Variants in NRP1 observed in about 807,000 individuals in gnomAD.
NRP1 encodes the protein neuropilin 1, also known as neuropilin-1.
In NRP1, 35 loss-of-function variants were observed where a neutral mutation model predicts 106.7. That is an observed-to-expected ratio of 0.33 (90% CI 0.25 to 0.43). The LOEUF is 0.43. Ranked by LOEUF, NRP1 falls within the 20% of genes least tolerant of loss-of-function variation. The pLI, the probability that NRP1 is intolerant of heterozygous loss-of-function variation, is 1.00. For synonymous variants in NRP1, 437 were observed against 417.9 expected (o/e 1.05, Z -0.56); for missense variants, 1,024 against 1,170.4 (o/e 0.87, Z 1.83).
chr10:33,186,580 TGC>T, intron 13 of NRP1, 92 bp from the exon 14 acceptor site: 1 of 1,449,098 alleles, frequency 6.9e-7, no homozygotes. Flanking sequence ...AAAAGCTTCC[TGC>T]GCTGAGCACC....
At chr10:33,198,551 C>T (rs532982643) in intron 11 of NRP1, among the ~76,000 whole-genome samples, 11 of 152,092 alleles carry the variant, frequency 7.2e-5, no homozygotes, top group African/African-American at 2.2e-4. Context: ...TCCCAGACGA[C>T]GCATGGCACA....
At chr10:33,258,650 CTT>C (rs1842364942) in intron 4 of NRP1, among the ~76,000 whole-genome samples, 1 of 152,222 alleles carries the variant, frequency 6.6e-6, no homozygotes, top group Admixed American at 6.5e-5. Context: ...TTTTGTCTCT[CTT>C]CAGCTTTATT....
chr10:33,207,792 C>T, intron 9 of NRP1, 76 bp from the exon 10 acceptor site: 3 of 1,510,790 alleles, frequency 2.0e-6, no homozygotes, highest in Non-Finnish European at 2.7e-6. Context: ...TTTCTTCCCT[C>T]CTTCAGGACT....
At chr10:33,288,592 C>T (rs1331155095) in intron 2 of NRP1, 3 of 152,264 alleles carry the variant, frequency 2.0e-5, no homozygotes, top group Non-Finnish European at 4.4e-5. Context: ...GGCACACCAC[C>T]TCACCTGGCA....
At chr10:33,275,616 G>A (rs1482755383) in intron 2 of NRP1, among the ~76,000 whole-genome samples, 1 of 151,854 alleles carries the variant, frequency 6.6e-6, no homozygotes, top group African/African-American at 2.4e-5. Context: ...ACCATGTTCA[G>A]GCCAGGCGTG....
At chr10:33,270,889 T>C (rs781717448) in intron 2 of NRP1, 33 bp from the exon 3 acceptor site, 1 of 1,519,192 alleles carries the variant, frequency 6.6e-7, no homozygotes, top group Admixed American at 1.9e-5. Context: ...AACATTAGGT[T>C]GGTGAGAAAT....
intron 9 of NRP1, among the ~76,000 whole-genome samples, chr10:33,211,044 C>G (rs1165647660): frequency 6.6e-6 from 1 of 152,112 alleles, no homozygotes; most frequent in African/African-American, 2.4e-5. Context: ...TGGATAGAAC[C>G]ATATTTTAGA....
intron 3 of NRP1, among the ~76,000 whole-genome samples, chr10:33,267,058 C>T (rs1004489341): frequency 6.6e-6 from 1 of 151,930 alleles, no homozygotes; most frequent in South Asian, 2.1e-4. Flanking sequence ...AACAAAAAAA[C>T]GTGTAGCACC....
At chr10:33,211,664 C>G (rs533184679) in intron 9 of NRP1, 12 of 152,304 alleles carry the variant, frequency 7.9e-5, no homozygotes, top group Admixed American at 6.5e-4. Context: ...TTCCTTGGAG[C>G]CTTCACATCT....
intron 13 of NRP1, among the ~76,000 whole-genome samples, chr10:33,188,451 C>T (rs1836166726): frequency 6.6e-6 from 1 of 152,106 alleles, no homozygotes; most frequent in South Asian, 2.1e-4. Context: ...CAGTGCCCAA[C>T]ACAGCACCTG....
chr10:33,263,880 G>A lies in NRP1; in HGVS notation c.431-7C>T, dbSNP rs199619338. ...TTCTGGGAACATTCAGGACCTATGAGTAGAAGAGAAAAAGGAGTAAAGTGA... is the reference window on the plus strand; with the variant it reads ...TTCTGGGAACATTCAGGACCTATGAATAGAAGAGAAAAAGGAGTAAAGTGA... On this transcript the variant is annotated splice_region_variant and splice_polypyrimidine_tract_variant and intron_variant, in intron 3 of 16. Coordinates refer to ENST00000374867, the MANE Select transcript of NRP1 (RefSeq NM_003873.7). 1.3e-5 allele frequency: 20 copies of A among 1,566,564 alleles called. No homozygotes were observed. In the East Asian group the frequency reaches 2.5e-4, roughly 19 times the overall value.
intron 11 of NRP1, chr10:33,202,329 C>A: frequency 4.1e-6 from 1 of 246,738 alleles, no homozygotes. Flanking sequence ...ATTTGGCACA[C>A]AACATCTCTG....
At chr10:33,285,473 T>G (rs1470271799) in intron 2 of NRP1, among the ~76,000 whole-genome samples, 1 of 152,176 alleles carries the variant, frequency 6.6e-6, no homozygotes, top group East Asian at 1.9e-4. Context: ...ATGAGAAATT[T>G]TTTCGTGATC....
intron 13 of NRP1, among the ~76,000 whole-genome samples, chr10:33,189,770 C>A (rs1054043809): frequency 6.6e-6 from 1 of 152,212 alleles, no homozygotes; most frequent in Non-Finnish European, 1.5e-5. Flanking sequence ...CAATGTCTGG[C>A]TTGCAAAGTT....
intron 4 of NRP1, 64 bp downstream of exon 4, chr10:33,263,582 A>T: frequency 3.2e-6 from 4 of 1,247,626 alleles, no homozygotes; most frequent in Non-Finnish European, 4.6e-6. Context: ...TGAGACTTGT[A>T]AAAGAATACT....
In NRP1 at chr10:33,199,367, CTATA is replaced by C. The variant is rs1413431395; in HGVS notation, c.1865-1662_1865-1659del. Among the ~76,000 whole-genome samples, 99 of 54,288 alleles carry C rather than the reference CTATA, an allele frequency of 1.8e-3. 6 individuals carry two copies. The East Asian group carries it at 0.02, about 11-fold the overall frequency. 35.6% of individuals were successfully genotyped at this position (54,288 alleles called of 152,430 possible). Reference sequence around the variant, plus strand: ...GTGCGCCACCATGCCTGGCTGTTTTCTATATATATATATATATATATATTTTTTT... The same window carrying C: ...GTGCGCCACCATGCCTGGCTGTTTTCTATATATATATATATATATTTTTTT... On this transcript the variant is annotated intron_variant, in intron 11 of 16. Coordinates refer to ENST00000374867, the MANE Select transcript of NRP1 (RefSeq NM_003873.7).
intron 2 of NRP1, among the ~76,000 whole-genome samples, chr10:33,286,135 G>A (rs1844518707): frequency 6.6e-6 from 1 of 152,132 alleles, no homozygotes; most frequent in South Asian, 2.1e-4. Flanking sequence ...ATGGTATTAT[G>A]AGAAGACAAA....
chr10:33,183,921 C>T (rs996363984), intron 15 of NRP1, among the ~76,000 whole-genome samples: 2 of 152,220 alleles, frequency 1.3e-5, no homozygotes, highest in African/African-American at 2.4e-5. Context: ...GCAGCAACTA[C>T]AGCTAAATGG....
chr10:33,219,183 T>C (rs578068083), intron 8 of NRP1, among the ~76,000 whole-genome samples: 1 of 152,320 alleles, frequency 6.6e-6, no homozygotes, highest in Admixed American at 6.5e-5. Context: ...AGTGAGCACT[T>C]AGTTTAAGCC....
Sources: allele counts gnomAD v4.1 joint callset (sites outside exome capture counted in the v4.1 genomes callset), GRCh38; gene constraint gnomAD v4.1.1; transcripts MANE v1.5; gene names NCBI Gene and HGNC (gene_info 2026-07-23, HGNC 2026-07-21).